ITLN1: variants seen among roughly 807,000 people sequenced by gnomAD.
ITLN1 encodes intelectin 1.
Under a neutral mutation model 36.2 loss-of-function variants are expected in ITLN1, and 29 were observed. The ratio of observed to expected loss-of-function variants is 0.80; its 90% CI spans 0.60 to 1.09. The LOEUF (loss-of-function observed/expected upper bound fraction) is 1.09. Among genes scored for constraint, ITLN1 ranks in the 50% least tolerant of loss-of-function variants. ITLN1 has a pLI of 0.00. For synonymous variants in ITLN1, 143 were observed against 146.5 expected, an observed-to-expected ratio of 0.98 and a Z score of 0.17; for missense variants, 358 against 405.2, an observed-to-expected ratio of 0.88 and a Z score of 1.00.
At chr1:160,879,780 T>C (rs1388906867) in intron 6 of ITLN1, among the ~76,000 whole-genome samples, 4 of 152,374 alleles carry the variant, frequency 2.6e-5, no homozygotes, top group Admixed American at 6.5e-5. Context: ...TTTTCTCCTT[T>C]ATTTTAAAAT....
intron 3 of ITLN1, 105 bp from the exon 4 acceptor site, chr1:160,882,309 C>T: frequency 7.0e-7 from 1 of 1,428,518 alleles, no homozygotes; most frequent in Non-Finnish European, 9.4e-7. Context: ...CCTAAAGGCT[C>T]CTGTCCTGAC....
chr1:160,879,229 A>T (rs1670639396), intron 7 of ITLN1, 82 bp downstream of exon 7: 3 of 973,450 alleles, frequency 3.1e-6, no homozygotes, highest in South Asian at 2.6e-5. Flanking sequence ...GTCATACCAC[A>T]CTCAACACAC....
chr1:160,877,827 C>T (rs4656956), intron 7 of ITLN1, among the ~76,000 whole-genome samples: 97,058 of 152,032 alleles, frequency 0.64, 31,498 homozygotes, highest in Middle Eastern at 0.72. Flanking sequence ...TCCTTGATGC[C>T]GTCCTCATGA....
rs758919297 is a variant in ITLN1, at chr1:160,880,451, C to T, written c.685+137G>A. ...AATAAAGTTCAGATCTCAAAGGCAG[C>T]CATGCAAATCAAGTGGGGCAATATA... On this transcript the variant is annotated intron_variant, in intron 6 of 7. Transcript: ENST00000326245. The T allele has an allele frequency of 4.5e-4, 360 of 796,702 alleles. 1 individual carries two copies. Among genetic ancestry groups the T allele is most frequent in the Non-Finnish European group, 6.6e-4 (335 of 505,492 alleles). The allele number at this position is 796,702 out of a possible 1,614,324, so 49.4% of individuals were successfully genotyped here.
chr1:160,879,361 C>G lies in ITLN1; in HGVS notation c.739G>C (p.Ala247Pro). The G allele has an allele frequency of 6.2e-7, 1 of 1,614,178 alleles. No individual in the cohort carries two copies. Among genetic ancestry groups the G allele is most frequent in the Non-Finnish European group, 8.5e-7 (1 of 1,180,016 alleles). The change falls in exon 7 of 8, where the codon GCC (alanine) becomes CCC (proline). Residue 247 changes from alanine to proline, a missense_variant. By Grantham distance (27) the Ala-to-Pro change is conservative. Transcript: ENST00000326245. ...QFRVFNNERA[A>P]NALCAGMRVT... ...CTCATTCCAGCACACAAGGCGTTGG[C>G]TGCTCTCTCGTTATTAAATACCCTG...
Position 160,876,600 on chromosome 1 carries a change from T to C in ITLN1, c.*64A>G, listed in dbSNP as rs1670590247. On this transcript the variant is annotated 3_prime_UTR_variant, in exon 8 of 8. Transcript: ENST00000326245. Reference sequence around the variant, plus strand: ...ATTAACATTCTAGCTACTGGGTAAGTTGTTCTCCATCCTTGGGATCTCATG... The same window carrying C: ...ATTAACATTCTAGCTACTGGGTAAGCTGTTCTCCATCCTTGGGATCTCATG... 6.6e-7 allele frequency: 1 copy of C among 1,526,522 alleles called. No individual in the cohort carries two copies. The highest frequency in any genetic ancestry group is 9.0e-7 in the Non-Finnish European group (1 of 1,107,992). 94.6% of individuals were successfully genotyped at this position (1,526,522 alleles called of 1,614,324 possible). A position where few individuals can be genotyped will look rare whatever the true frequency, so the allele number is the denominator to read the frequency against.
chr1:160,884,787 G>A (rs1670731028), intron 2 of ITLN1, 33 bp downstream of exon 2: 2 of 1,500,940 alleles, frequency 1.3e-6, no homozygotes, highest in African/African-American at 2.8e-5. Context: ...TCATCCAGCT[G>A]AAGGAACTGC....
chr1:160,881,025 A>T (rs1670667568), intron 5 of ITLN1, 129 bp downstream of exon 5: 20 of 1,097,236 alleles, frequency 1.8e-5, no homozygotes, highest in Non-Finnish European at 2.6e-5. Context: ...AAGCAACAGA[A>T]GCCATCAGCA....
chr1:160,878,444 G>A (rs1359880214), intron 7 of ITLN1, among the ~76,000 whole-genome samples: 1 of 150,552 alleles, frequency 6.6e-6, no homozygotes, highest in African/African-American at 2.5e-5. Flanking sequence ...GGAGTGCAGT[G>A]GTGTGATCTT....
chr1:160,877,497 C>T (rs929325462), intron 7 of ITLN1, among the ~76,000 whole-genome samples: 21 of 151,870 alleles, frequency 1.4e-4, no homozygotes, highest in African/African-American at 4.8e-4. Context: ...TGCTGAAGAC[C>T]TCAAAGTCCA....
chr1:160,882,736 T>C (rs760012169), intron 3 of ITLN1, among the ~76,000 whole-genome samples: 1 of 151,980 alleles, frequency 6.6e-6, no homozygotes, highest in Non-Finnish European at 1.5e-5. Context: ...AAAGGACAAA[T>C]ACCATATGAC....
chr1:160,877,631 C>T (rs968214249), intron 7 of ITLN1, among the ~76,000 whole-genome samples: 3 of 152,338 alleles, frequency 2.0e-5, no homozygotes, highest in African/African-American at 7.2e-5. Context: ...CACTCCCTCA[C>T]CCAAATGAGA....
At chr1:160,882,940 GC>G (rs1277027667) in intron 3 of ITLN1, among the ~76,000 whole-genome samples, 1 of 152,024 alleles carries the variant, frequency 6.6e-6, no homozygotes, top group Non-Finnish European at 1.5e-5. Context: ...CACTATCTTG[GC>G]CCACTGCAAC....
At position 160,880,600 on chromosome 1, in the gene ITLN1, G is replaced by A. The variant is rs1206599390; in HGVS notation, c.673C>T (p.Pro225Ser). Residue 225 changes from proline (P) to serine (S), a missense_variant, in exon 6 of 8, where the codon CCC becomes TCC. Coordinates refer to ENST00000326245, the MANE Select transcript of ITLN1 (RefSeq NM_017625.3). The stretch of plus-strand genomic sequence containing the variant: ...ATTAAAGACTCACGCTGGCCATAGG[G>A]TGAGTAATAAGATGCTGTTTTCTGG... ...DAQKTASYYS[P>S]YGQREFTAGF... 5 of 1,614,100 alleles carry A rather than the reference G, an allele frequency of 3.1e-6. No individual in the cohort carries two copies. Among genetic ancestry groups the A allele is most frequent in the Non-Finnish European group, 3.4e-6 (4 of 1,179,996 alleles).
chr1:160,877,312 A>C (rs182272001), intron 7 of ITLN1, among the ~76,000 whole-genome samples: 1 of 151,976 alleles, frequency 6.6e-6, no homozygotes, highest in Non-Finnish European at 1.5e-5. Flanking sequence ...ACTTTTCTGA[A>C]TATTCATGCT....
At chr1:160,878,123 G>A (rs538033218) in intron 7 of ITLN1, among the ~76,000 whole-genome samples, 79 of 152,108 alleles carry the variant, frequency 5.2e-4, no homozygotes, top group African/African-American at 1.7e-3. Flanking sequence ...AGCCTAGATC[G>A]TGCCACTGCA....
rs190137506 is a variant in ITLN1 at position 160,881,149 on chromosome 1, T to A, written c.564+5A>T. 782 of 1,603,206 alleles carry A rather than the reference T, an allele frequency of 4.9e-4. 2 individuals carry two copies. The African/African-American group carries it at 8.9e-3, about 18-fold the overall frequency. On this transcript the variant is annotated splice_donor_5th_base_variant and intron_variant, in intron 5 of 7. Transcript: ENST00000326245. ...AAACCAGTCCCAGCCAGCAGCCTTC[T>A]GTACCTGGTAGATGCCAAACAGATT...
chr1:160,878,125 G>C (rs755089107), intron 7 of ITLN1, among the ~76,000 whole-genome samples: 6 of 151,986 alleles, frequency 3.9e-5, no homozygotes, highest in Non-Finnish European at 7.4e-5. Context: ...CCTAGATCGT[G>C]CCACTGCACT....
intron 5 of ITLN1, 114 bp from the exon 6 acceptor site, chr1:160,880,822 A>T: frequency 1.6e-6 from 2 of 1,253,534 alleles, no homozygotes. Flanking sequence ...AGTAACTGAG[A>T]TTACTTCAAA....
Sources: gnomAD v4.1 joint callset for allele counts (sites outside exome capture counted in the v4.1 genomes callset) on GRCh38, gnomAD v4.1.1 for gene constraint, MANE v1.5 for transcripts, NCBI Gene and HGNC (gene_info 2026-07-23, HGNC 2026-07-21) for gene names.